ARHGAP35: variants seen among roughly 807,000 people sequenced by gnomAD.
ARHGAP35 encodes the protein Rho GTPase activating protein 35.
A neutral mutation model predicts 111.1 loss-of-function variants in ARHGAP35; 15 were observed. That is an observed-to-expected ratio of 0.13 (90% CI 0.09 to 0.21). The LOEUF (loss-of-function observed/expected upper bound fraction) is 0.21, where lower values mean the gene tolerates loss of function less well. Ranked by LOEUF, ARHGAP35 falls within the 10% of genes least tolerant of loss-of-function variation. The pLI, the probability that ARHGAP35 is intolerant of heterozygous loss-of-function variation, is 1.00. For missense variants in ARHGAP35, 1,262 were observed against 1,873.0 expected (o/e 0.67, Z 6.02); for synonymous variants, 643 against 710.3 (o/e 0.91, Z 1.51).
chr19:46,988,071 A>G lies in ARHGAP35; in HGVS notation c.3904+5A>G, dbSNP rs761811170. ...TGCAGAGACAGTTTGATCAAGGTAA[A>G]GTGCAGCCTGGCCAGGCATCCGAGG... On this transcript the variant is annotated splice_donor_5th_base_variant and intron_variant, in intron 4 of 6. Coordinates refer to ENST00000672722, the MANE Select transcript of ARHGAP35 (RefSeq NM_004491.5). The surrounding 1 kb of genome is among the most constrained non-coding windows in gnomAD (Gnocchi z 5.4). 1 of 1,613,408 alleles carries G rather than the reference A, an allele frequency of 6.2e-7. No individual in the cohort carries two copies. The highest frequency in any genetic ancestry group is 8.5e-7 in the Non-Finnish European group (1 of 1,179,674).
intron 1 of ARHGAP35, among the ~76,000 whole-genome samples, chr19:46,866,421 C>T (rs762732796): frequency 3.9e-5 from 6 of 152,204 alleles, no homozygotes; most frequent in Non-Finnish European, 7.3e-5. Flanking sequence ...CAGAAAAGTA[C>T]TGGATTTATA....
At chr19:46,873,194 C>T (rs2055896968) in intron 1 of ARHGAP35, among the ~76,000 whole-genome samples, 1 of 152,134 alleles carries the variant, frequency 6.6e-6, no homozygotes, top group African/African-American at 2.4e-5. Flanking sequence ...GGACTTTACA[C>T]TTTCCAGAAT....
chr19:46,891,749 T>C lies in ARHGAP35; in HGVS notation c.-188-26739T>C, dbSNP rs117661328. 9.3e-3 allele frequency among the ~76,000 whole-genome samples: 1,412 copies of C among 152,050 alleles called. 55 individuals carry two copies. Among genetic ancestry groups the C allele is most frequent in the Admixed American group, 0.067 (1,024 of 15,278 alleles). On this transcript the variant is annotated intron_variant, in intron 1 of 6. Transcript: ENST00000672722. ...CAGGGCAAAGGTTCTTAATCCAGGG[T>C]TCCTGAATTTTTTGTGTAAGTCCAT...
intron 3 of ARHGAP35, among the ~76,000 whole-genome samples, chr19:46,978,095 G>A (rs2056588894): frequency 6.6e-6 from 1 of 152,224 alleles, no homozygotes; most frequent in Non-Finnish European, 1.5e-5. Flanking sequence ...AAGTATAAGG[G>A]GAGGGTGGCA....
At chr19:46,906,628 T>C (rs1312183771) in intron 1 of ARHGAP35, among the ~76,000 whole-genome samples, 1 of 152,260 alleles carries the variant, frequency 6.6e-6, no homozygotes, top group Non-Finnish European at 1.5e-5. Context: ...CACTTTGTAT[T>C]TAGTATTTTC....
Position 46,986,656 on chromosome 19 carries a change from CGTT to C in ARHGAP35, c.3827-1331_3827-1329del, listed in dbSNP as rs1555766479. On this transcript the variant is annotated intron_variant, in intron 3 of 6. Transcript: ENST00000672722. This position sits in a 1 kb window ranked among gnomAD's most constrained non-coding sequence, Gnocchi z 4.3. ...AAAGGAAAAATGTAAACATATATAA[CGTT>C]GATATAATTACTTAATATTCATAGA... is the stretch of plus-strand genomic sequence containing the variant. 6.6e-6 allele frequency among the ~76,000 whole-genome samples: 1 copy of C among 151,994 alleles called. No individual in the cohort carries two copies. The highest frequency in any genetic ancestry group is 1.5e-5 in the Non-Finnish European group (1 of 67,998).
chr19:46,937,738 C>T (rs1241857794), intron 3 of ARHGAP35, among the ~76,000 whole-genome samples: 2 of 152,240 alleles, frequency 1.3e-5, no homozygotes, highest in Non-Finnish European at 2.9e-5. Context: ...CGCCTGTGTT[C>T]CCTGCAGATC....
rs568842208 is a variant in ARHGAP35 at position 46,901,145 on chromosome 19, G to A, written c.-188-17343G>A. Among the ~76,000 whole-genome samples the A allele has an allele frequency of 1.1e-4, 17 of 152,314 alleles. No individual in the cohort carries two copies. Among genetic ancestry groups the A allele is most frequent in the Non-Finnish European group, 1.0e-4 (7 of 68,028 alleles). ...TAATTTTCATTGAATGATTGAATGG[G>A]CGAATGAGAATAAATAAATGAGGGC... is the stretch of plus-strand genomic sequence containing the variant. On this transcript the variant is annotated intron_variant, in intron 1 of 6. Coordinates refer to ENST00000672722, the MANE Select transcript of ARHGAP35 (RefSeq NM_004491.5). The surrounding 1 kb of genome is among the most constrained non-coding windows in gnomAD (Gnocchi z 4.5).
intron 1 of ARHGAP35, among the ~76,000 whole-genome samples, chr19:46,914,380 G>T (rs552650065): frequency 6.6e-6 from 1 of 152,300 alleles, no homozygotes; most frequent in Non-Finnish European, 1.5e-5. Flanking sequence ...TGAGGTGTGA[G>T]TGGGAGGATT....
intron 3 of ARHGAP35, among the ~76,000 whole-genome samples, chr19:46,941,874 T>G (rs892647426): frequency 9.8e-6 from 1 of 101,946 alleles, no homozygotes; most frequent in Admixed American, 9.6e-5. Context: ...ACCCTGTCTC[T>G]TTAAAAAAAA....
In ARHGAP35 at chr19:46,951,156, A is replaced by C. The variant is rs2056410551; in HGVS notation, c.3826+13748A>C. ...TTAGGCTGTGACCTTCCCCCTATGC[A>C]GCTCATTTGCCTGGGTAAATGAGTA... On this transcript the variant is annotated intron_variant, in intron 3 of 6. Coordinates refer to ENST00000672722, the MANE Select transcript of ARHGAP35 (RefSeq NM_004491.5). 2.0e-5 allele frequency among the ~76,000 whole-genome samples: 3 copies of C among 152,222 alleles called. No individual in the cohort carries two copies. The South Asian group carries it at 6.2e-4, about 31-fold the overall frequency.
At chr19:46,972,953 C>A (rs1011411442) in intron 3 of ARHGAP35, among the ~76,000 whole-genome samples, 1 of 152,218 alleles carries the variant, frequency 6.6e-6, no homozygotes, top group Non-Finnish European at 1.5e-5. Context: ...TGGAAACAGG[C>A]AGATAGTATT....
At chr19:46,861,697 AT>A (rs1568455610) in intron 1 of ARHGAP35, among the ~76,000 whole-genome samples, 2 of 151,160 alleles carry the variant, frequency 1.3e-5, no homozygotes, top group African/African-American at 2.4e-5. Flanking sequence ...CCTCTTCTCG[AT>A]TCTGCTCTCA....
chr19:46,868,051 A>G (rs562403984), intron 1 of ARHGAP35, among the ~76,000 whole-genome samples: 6 of 152,032 alleles, frequency 3.9e-5, no homozygotes, highest in Non-Finnish European at 8.8e-5. Flanking sequence ...TATTTTTAGT[A>G]GAGACGGGGT....
chr19:46,959,082 T>A (rs950152737), intron 3 of ARHGAP35, among the ~76,000 whole-genome samples: 11 of 152,036 alleles, frequency 7.2e-5, no homozygotes, highest in African/African-American at 1.2e-4. Flanking sequence ...TAAAAAAAAA[T>A]TTATTTATTT....
chr19:46,992,630 A>G lies in ARHGAP35; in HGVS notation c.4036+2955A>G, dbSNP rs1172134832. Among the ~76,000 whole-genome samples the G allele has an allele frequency of 6.6e-6, 1 of 152,078 alleles. No homozygotes were observed. Among genetic ancestry groups the G allele is most frequent in the Non-Finnish European group, 1.5e-5 (1 of 68,022 alleles). ...TGGCTTTTGTGCTGGAAGGGGTGCT[A>G]GAGCTGGCTCCGTCTCAAGCCAGAG... On this transcript the variant is annotated intron_variant, in intron 5 of 6. Transcript: ENST00000672722. This position sits in a 1 kb window ranked among gnomAD's most constrained non-coding sequence, Gnocchi z 4.4.
chr19:46,902,733 G>C (rs921271089), intron 1 of ARHGAP35, among the ~76,000 whole-genome samples: 5 of 152,042 alleles, frequency 3.3e-5, no homozygotes, highest in Non-Finnish European at 5.9e-5. Flanking sequence ...TATTTTAATC[G>C]CCACGGCCCC....
chr19:46,994,618 CA>C lies in ARHGAP35; in HGVS notation c.4037-4685del, dbSNP rs1289089321. 1.1e-4 allele frequency among the ~76,000 whole-genome samples: 17 copies of C among 152,252 alleles called. No individual in the cohort carries two copies. In the Middle Eastern group the frequency reaches 0.01, roughly 91 times the overall value. ...TGAGGATGGTGGTCAGGAGGGGAAA[CA>C]GAGGCAGGGCCAGGAAGGCCTCGAG... On this transcript the variant is annotated intron_variant, in intron 5 of 6. Transcript: ENST00000672722. The surrounding 1 kb of genome is among the most constrained non-coding windows in gnomAD (Gnocchi z 5.4).
chr19:46,923,681 G>T (rs1175916196), intron 2 of ARHGAP35, among the ~76,000 whole-genome samples: 1 of 151,772 alleles, frequency 6.6e-6, no homozygotes, highest in Non-Finnish European at 1.5e-5. Flanking sequence ...CACTTTTGGA[G>T]GCCGAGGCGG....
Sources: allele counts gnomAD v4.1 joint callset (sites outside exome capture counted in the v4.1 genomes callset), GRCh38; gene constraint gnomAD v4.1.1; non-coding constraint Gnocchi (gnomAD v3.1); transcripts MANE v1.5; gene names NCBI Gene and HGNC (gene_info 2026-07-23, HGNC 2026-07-21).